The following DCUN1D4 variants were observed in gnomAD, a reference collection of about 807,000 sequenced individuals.
DCUN1D4 encodes defective in cullin neddylation 1 domain containing 4.
Under a neutral mutation model 47.9 loss-of-function variants are expected in DCUN1D4, and 22 were observed. The ratio of observed to expected loss-of-function variants is 0.46; its 90% CI spans 0.33 to 0.66. The LOEUF is 0.66. Ranked by LOEUF, DCUN1D4 falls within the 30% of genes least tolerant of loss-of-function variation. The probability of loss-of-function intolerance (pLI) is 0.02; values close to 1 mark genes in which losing one functional copy is unlikely to be tolerated. For synonymous variants in DCUN1D4, 121 were observed against 112.2 expected, an observed-to-expected ratio of 1.08 and a Z score of -0.50; for missense variants, 301 against 340.8, an observed-to-expected ratio of 0.88 and a Z score of 0.92.
At chr4:51,873,534 C>A (rs1460678207) in intron 3 of DCUN1D4, among the ~76,000 whole-genome samples, 20 of 152,224 alleles carry the variant, frequency 1.3e-4, no homozygotes, top group Admixed American at 1.3e-3. Flanking sequence ...AATAATAGTT[C>A]TTTCCTCATG....
chr4:51,852,082 T>C (rs1280611051), intron 1 of DCUN1D4, among the ~76,000 whole-genome samples: 2 of 152,226 alleles, frequency 1.3e-5, no homozygotes, highest in Non-Finnish European at 2.9e-5. Context: ...GGATTATCTC[T>C]TGGTTCTTTT....
At chr4:51,897,634 TAAA>T (rs926872325) in intron 7 of DCUN1D4, among the ~76,000 whole-genome samples, 1 of 151,720 alleles carries the variant, frequency 6.6e-6, no homozygotes, top group Non-Finnish European at 1.5e-5. Context: ...CACTTACTGG[TAAA>T]AACAGGTTAT....
At chr4:51,861,323 T>C (rs552109497) in intron 1 of DCUN1D4, among the ~76,000 whole-genome samples, 6 of 152,020 alleles carry the variant, frequency 3.9e-5, no homozygotes, top group Admixed American at 2.0e-4. Flanking sequence ...GTGGGCAGAA[T>C]GTGGGGTTGG....
chr4:51,889,873 A>C (rs1730148235), intron 6 of DCUN1D4, among the ~76,000 whole-genome samples: 1 of 152,184 alleles, frequency 6.6e-6, no homozygotes. Flanking sequence ...CCTATTTAAC[A>C]ATCATTGCCT....
chr4:51,893,821 G>A (rs1362597665), intron 7 of DCUN1D4, among the ~76,000 whole-genome samples: 1 of 152,170 alleles, frequency 6.6e-6, no homozygotes, highest in South Asian at 2.1e-4. Context: ...CTTCAGACGA[G>A]GCACCATCAA....
intron 3 of DCUN1D4, among the ~76,000 whole-genome samples, chr4:51,866,815 A>G (rs1329993315): frequency 1.3e-5 from 2 of 152,224 alleles, no homozygotes; most frequent in African/African-American, 2.4e-5. Context: ...GATACGTCCA[A>G]TACTGGGAGT....
chr4:51,842,422 C>T (rs1336367085), upstream of DCUN1D4, among the ~76,000 whole-genome samples: 3 of 152,246 alleles, frequency 2.0e-5, no homozygotes, highest in East Asian at 5.8e-4. Context: ...TGTGCGAACT[C>T]TGCGAAACAA....
chr4:51,850,480 C>T (rs1350456431), intron 1 of DCUN1D4, among the ~76,000 whole-genome samples: 1 of 152,150 alleles, frequency 6.6e-6, no homozygotes, highest in Non-Finnish European at 1.5e-5. Flanking sequence ...TCTGTCATCT[C>T]CTAGCCAAGG....
At chr4:51,840,381 A>T (rs1721599003), upstream of DCUN1D4, among the ~76,000 whole-genome samples, 1 of 152,242 alleles carries the variant, frequency 6.6e-6, no homozygotes, top group African/African-American at 2.4e-5. Context: ...AGTAACTTTC[A>T]GATGGGAAGG....
chr4:51,869,967 A>G (rs1427520032), intron 3 of DCUN1D4, among the ~76,000 whole-genome samples: 2 of 152,206 alleles, frequency 1.3e-5, no homozygotes, highest in Non-Finnish European at 2.9e-5. Flanking sequence ...ATTGCACACA[A>G]TTTTGATTGC....
At chr4:51,878,802 A>G (rs561134043) in intron 5 of DCUN1D4, among the ~76,000 whole-genome samples, 1 of 152,314 alleles carries the variant, frequency 6.6e-6, no homozygotes, top group East Asian at 1.9e-4. Context: ...TCCACAGGAT[A>G]GTGTTTATAA....
chr4:51,868,589 G>A (rs746191630), intron 3 of DCUN1D4, among the ~76,000 whole-genome samples: 5 of 152,182 alleles, frequency 3.3e-5, no homozygotes, highest in Non-Finnish European at 5.9e-5. Flanking sequence ...TTAGAAATCT[G>A]AAATAGTTGA....
chr4:51,859,638 CAAAAAAAAAAA>C (rs35981680), intron 1 of DCUN1D4, among the ~76,000 whole-genome samples: 10 of 39,494 alleles, frequency 2.5e-4, no homozygotes, highest in Admixed American at 2.0e-3. Context: ...TTAAAACAAG[CAAAAAAAAAAA>C]AAAAAAAAAA....
intron 1 of DCUN1D4, among the ~76,000 whole-genome samples, chr4:51,859,638 CAAAAAAAAAAAAAAA>C (rs35981680): frequency 1.3e-4 from 5 of 39,494 alleles, no homozygotes; most frequent in Admixed American, 5.0e-4. Flanking sequence ...TTAAAACAAG[CAAAAAAAAAAAAAAA>C]AAAAAAAAAA....
Position 51,907,868 on chromosome 4 carries a change from AGTT to A in DCUN1D4, c.616-3198_616-3196del, listed in dbSNP as rs1733131837. On this transcript the variant is annotated intron_variant, in intron 8 of 10. Transcript: ENST00000334635. ...TGTTTACAGTTAACTATTTTGTTTC[AGTT>A]GTTAAGTCATTTGTGTCATCTAAGA... Among the ~76,000 whole-genome samples the A allele has an allele frequency of 2.6e-5, 4 of 152,244 alleles. 1 individual carries two copies. Among genetic ancestry groups the A allele is most frequent in the African/African-American group, 7.2e-5 (3 of 41,560 alleles).
Position 51,889,346 on chromosome 4 carries a change from T to A in DCUN1D4, c.415-2414T>A, listed in dbSNP as rs181558793. Among the ~76,000 whole-genome samples the A allele has an allele frequency of 4.6e-5, 7 of 152,340 alleles. No homozygotes were observed. In the East Asian group the frequency reaches 1.3e-3, roughly 29 times the overall value. Reference sequence around the variant, plus strand: ...TTGTCTGCATTGATGGGCAAGCACGTTTAAGGTATTTAAAACCCTCACTTT... The same window carrying A: ...TTGTCTGCATTGATGGGCAAGCACGATTAAGGTATTTAAAACCCTCACTTT... On this transcript the variant is annotated intron_variant, in intron 6 of 10. Coordinates refer to ENST00000334635, the MANE Select transcript of DCUN1D4 (RefSeq NM_001040402.3).
rs751135755 is a variant in DCUN1D4, at chr4:51,874,251, T to C, written c.137-20T>C. The C allele has an allele frequency of 6.3e-7, 1 of 1,575,200 alleles. No homozygotes were observed. The highest frequency in any genetic ancestry group is 1.4e-5 in the African/African-American group (1 of 73,730). On this transcript the variant is annotated intron_variant, in intron 3 of 10. Coordinates refer to ENST00000334635, the MANE Select transcript of DCUN1D4 (RefSeq NM_001040402.3). The stretch of plus-strand genomic sequence containing the variant: ...GATGTAGCATACCTTAATTTTGTGC[T>C]CTTTGAATTTGTTTTGTAGGAAGTC...
At chr4:51,840,850 G>T (rs991795805), upstream of DCUN1D4, among the ~76,000 whole-genome samples, 1 of 152,196 alleles carries the variant, frequency 6.6e-6, no homozygotes, top group Non-Finnish European at 1.5e-5. Context: ...CTAGGAATGA[G>T]CTTTGCCTCT....
At chr4:51,878,544 C>A (rs1728040696) in intron 5 of DCUN1D4, among the ~76,000 whole-genome samples, 1 of 152,168 alleles carries the variant, frequency 6.6e-6, no homozygotes, top group Admixed American at 6.5e-5. Context: ...AGACAACCTG[C>A]CATGTGCCAC....
Sources: gnomAD v4.1 joint callset for allele counts (sites outside exome capture counted in the v4.1 genomes callset) on GRCh38, gnomAD v4.1.1 for gene constraint, MANE v1.5 for transcripts, NCBI Gene and HGNC (gene_info 2026-07-23, HGNC 2026-07-21) for gene names.